Variants in EVA1C observed in about 807,000 individuals in gnomAD.
The protein encoded by EVA1C is eva-1 homolog C, also known as protein eva-1 homolog C.
In EVA1C, 25 loss-of-function variants were observed where a neutral mutation model predicts 45.4. That is an observed-to-expected ratio of 0.55 (90% confidence interval 0.40 to 0.77). The LOEUF (loss-of-function observed/expected upper bound fraction) is 0.77, where lower values mean the gene tolerates loss of function less well. EVA1C is among the 30% of genes least tolerant of loss of function. The pLI is 0.00. For missense variants in EVA1C, 479 were observed against 554.8 expected (o/e 0.86, Z 1.37); for synonymous variants, 190 against 221.2 (o/e 0.86, Z 1.25).
intron 7 of EVA1C, among the ~76,000 whole-genome samples, chr21:32,508,688 C>T (rs574889480): frequency 2.4e-4 from 37 of 152,304 alleles, no homozygotes; most frequent in African/African-American, 8.2e-4. Context: ...GGACAACTCT[C>T]GGGCCCTGAC....
At chr21:32,476,798 C>T (rs546102587) in intron 4 of EVA1C, among the ~76,000 whole-genome samples, 4 of 152,256 alleles carry the variant, frequency 2.6e-5, no homozygotes, top group East Asian at 1.9e-4. Flanking sequence ...TATCCTGCAC[C>T]GCAGTGGGAC....
chr21:32,510,320 G>A (rs998433698), intron 7 of EVA1C, among the ~76,000 whole-genome samples: 6 of 152,106 alleles, frequency 3.9e-5, no homozygotes, highest in Non-Finnish European at 8.8e-5. Context: ...CTCCCAAACT[G>A]CTGGAATTAC....
chr21:32,472,814 C>T (rs1050603022), intron 4 of EVA1C, among the ~76,000 whole-genome samples: 3 of 152,178 alleles, frequency 2.0e-5, no homozygotes, highest in African/African-American at 7.2e-5. Flanking sequence ...GCTCTGTGCC[C>T]CTTGCTTGGC....
intron 7 of EVA1C, among the ~76,000 whole-genome samples, chr21:32,512,094 A>T (rs2037975477): frequency 6.6e-6 from 1 of 152,148 alleles, no homozygotes; most frequent in Non-Finnish European, 1.5e-5. Flanking sequence ...AAACTATATA[A>T]AAAAGGAAAC....
chr21:32,424,317 C>T (rs564978515), intron 1 of EVA1C, among the ~76,000 whole-genome samples: 1 of 152,260 alleles, frequency 6.6e-6, no homozygotes, highest in South Asian at 2.1e-4. Context: ...AAACCCAGGT[C>T]ACCAGCTCCT....
rs535573330 is a variant in EVA1C, at chr21:32,470,907, C to T, written c.634+3059C>T. ...AGGAGTAGCTGGGATTACAGGCGCC[C>T]GCCACCATGCCTGGCTGATTTTTGT... On this transcript the variant is annotated intron_variant, in intron 4 of 7. Transcript: ENST00000300255. Among the ~76,000 whole-genome samples the T allele has an allele frequency of 2.5e-3, 373 of 151,422 alleles. 2 individuals are homozygous for T. Among genetic ancestry groups the T allele is most frequent in the East Asian group, 5.1e-3 (26 of 5,108 alleles).
chr21:32,437,837 G>A (rs1424714486), intron 1 of EVA1C, among the ~76,000 whole-genome samples: 1 of 152,170 alleles, frequency 6.6e-6, no homozygotes, highest in East Asian at 1.9e-4. Context: ...TAAGGCCAGG[G>A]CCATAGTGGG....
intron 7 of EVA1C, among the ~76,000 whole-genome samples, chr21:32,504,330 C>T (rs1350088278): frequency 6.6e-6 from 1 of 152,172 alleles, no homozygotes; most frequent in African/African-American, 2.4e-5. Context: ...CGGGAAGGAA[C>T]TAGGATTATT....
At chr21:32,463,516 C>T (rs1390695652) in intron 3 of EVA1C, among the ~76,000 whole-genome samples, 1 of 152,202 alleles carries the variant, frequency 6.6e-6, no homozygotes, top group Non-Finnish European at 1.5e-5. Flanking sequence ...CATAACACAA[C>T]AGTCACCCCC....
intron 1 of EVA1C, chr21:32,433,425 C>G (rs1157604137): frequency 6.6e-6 from 1 of 152,522 alleles, no homozygotes. Flanking sequence ...CCGTCTGCCT[C>G]GCTGCCATCA....
At chr21:32,488,151 G>A (rs1015481222) in intron 4 of EVA1C, among the ~76,000 whole-genome samples, 3 of 152,096 alleles carry the variant, frequency 2.0e-5, no homozygotes, top group African/African-American at 7.2e-5. Context: ...AAATATGCAA[G>A]GAACTTATAC....
Position 32,412,839 on chromosome 21 carries a change from G to C in EVA1C, c.-15G>C. On this transcript the variant is annotated 5_prime_UTR_variant, in exon 1 of 8. Transcript: ENST00000300255. ...CGTCCCGGGCCTGCGCCTCCGCCCC[G>C]CCGCGCAGCGCACGATGCTTCTGCC... 7.0e-7 allele frequency: 1 copy of C among 1,425,284 alleles called. No individual in the cohort carries two copies. Among genetic ancestry groups the C allele is most frequent in the South Asian group, 1.5e-5 (1 of 68,218 alleles). 88.3% of individuals were successfully genotyped at this position (1,425,284 alleles called of 1,614,324 possible).
At chr21:32,444,489 A>AAT in intron 1 of EVA1C, among the ~76,000 whole-genome samples, 1 of 152,208 alleles carries the variant, frequency 6.6e-6, no homozygotes, top group African/African-American at 2.4e-5. Context: ...ATACAGATGA[A>AAT]GAGACACATA....
At chr21:32,481,257 C>T (rs28616679) in intron 4 of EVA1C, among the ~76,000 whole-genome samples, 7,182 of 152,120 alleles carry the variant, frequency 0.047, 212 homozygotes, top group African/African-American at 0.08. Context: ...ATGCAGGTAG[C>T]TTATACAGAA....
intron 7 of EVA1C, among the ~76,000 whole-genome samples, chr21:32,512,438 G>A (rs1419268132): frequency 3.3e-5 from 5 of 152,118 alleles, no homozygotes; most frequent in Non-Finnish European, 7.4e-5. Context: ...AACCTGAAAC[G>A]TCCCCATTCG....
intron 4 of EVA1C, among the ~76,000 whole-genome samples, chr21:32,486,555 C>T (rs1025319831): frequency 6.6e-6 from 1 of 152,174 alleles, no homozygotes; most frequent in African/African-American, 2.4e-5. Context: ...TTTAAATTTC[C>T]TATAATGCTA....
At chr21:32,413,618 TC>T (rs1425874132) in intron 1 of EVA1C, among the ~76,000 whole-genome samples, 1 of 152,148 alleles carries the variant, frequency 6.6e-6, no homozygotes, top group Non-Finnish European at 1.5e-5. Flanking sequence ...AATAATGACT[TC>T]CTACTCTCGA....
At chr21:32,453,797 G>A (rs995514109) in intron 2 of EVA1C, among the ~76,000 whole-genome samples, 6 of 152,308 alleles carry the variant, frequency 3.9e-5, no homozygotes, top group Admixed American at 6.5e-5. Context: ...GTATAGCAAA[G>A]TACAACCAGG....
chr21:32,475,612 A>T (rs57915631), intron 4 of EVA1C, among the ~76,000 whole-genome samples: 20,645 of 152,044 alleles, frequency 0.14, 1,610 homozygotes, highest in East Asian at 0.25. Context: ...TGGCCAAAAA[A>T]AATCCTAACA....
Sources: gnomAD v4.1 joint callset for allele counts (sites outside exome capture counted in the v4.1 genomes callset) on GRCh38, gnomAD v4.1.1 for gene constraint, MANE v1.5 for transcripts, NCBI Gene and HGNC (gene_info 2026-07-23, HGNC 2026-07-21) for gene names.